The following OR2L13 variants were observed in gnomAD, a reference collection of about 807,000 sequenced individuals.
The protein encoded by OR2L13 is olfactory receptor family 2 subfamily L member 13.
In OR2L13, 14 loss-of-function variants were observed where a neutral mutation model predicts 15.3. That is an observed-to-expected ratio of 0.91 (90% CI 0.60 to 1.43). OR2L13 has a LOEUF of 1.43. Among genes scored for constraint, OR2L13 ranks in the 40% most tolerant of loss-of-function variants. The pLI is 0.00. For synonymous variants in OR2L13, 152 were observed against 142.9 expected, an observed-to-expected ratio of 1.06 and a Z score of -0.45; for missense variants, 367 against 387.9, an observed-to-expected ratio of 0.95 and a Z score of 0.45.
chr1:248,006,019 A>G, the OR2L13 span, among the ~76,000 whole-genome samples: 1 of 152,124 alleles, frequency 6.6e-6, no homozygotes, highest in Non-Finnish European at 1.5e-5. Context: ...GATACGTCAT[A>G]TTCCATGAAT....
At chr1:247,956,374 G>A in the OR2L13 span, among the ~76,000 whole-genome samples, 4 of 151,470 alleles carry the variant, frequency 2.6e-5, no homozygotes, top group African/African-American at 4.8e-5. Flanking sequence ...AAGTCAGGTA[G>A]CGTGATGCCT....
At chr1:247,990,931 C>T in the OR2L13 span, 3 of 1,473,952 alleles carry the variant, frequency 2.0e-6, no homozygotes, top group East Asian at 6.8e-5. Flanking sequence ...CCGGATTCTC[C>T]TTGCTGTCTA....
the OR2L13 span, among the ~76,000 whole-genome samples, chr1:248,057,035 G>T: frequency 8.3e-4 from 127 of 152,188 alleles, 1 homozygote; most frequent in African/African-American, 2.9e-3. Context: ...TTTTGTATTT[G>T]CTGAGGAGAG....
chr1:247,993,936 T>C, the OR2L13 span, among the ~76,000 whole-genome samples: 1 of 152,144 alleles, frequency 6.6e-6, no homozygotes, highest in Non-Finnish European at 1.5e-5. Context: ...AAAGGCTGTC[T>C]CTTCATTTCA....
the OR2L13 span, among the ~76,000 whole-genome samples, chr1:248,012,307 C>G: frequency 6.6e-6 from 1 of 152,134 alleles, no homozygotes; most frequent in Non-Finnish European, 1.5e-5. Flanking sequence ...TGGTGGTCCC[C>G]TGAAGATGAT....
At chr1:248,099,546 G>A (rs756235117) in exon 3 of OR2L13, 9 of 1,613,918 alleles carry the variant, frequency 5.6e-6, no homozygotes, top group East Asian at 2.2e-5. Context: ...TCCACACACC[G>A]ATGTACTTTC....
the OR2L13 span, among the ~76,000 whole-genome samples, chr1:247,985,248 C>T: frequency 6.6e-6 from 1 of 152,000 alleles, no homozygotes; most frequent in Non-Finnish European, 1.5e-5. Context: ...GCCATCCCTC[C>T]CTCCTTCCCC....
chr1:248,070,755 A>G, the OR2L13 span, among the ~76,000 whole-genome samples: 1 of 152,320 alleles, frequency 6.6e-6, no homozygotes, highest in African/African-American at 2.4e-5. Context: ...GAAAAGAGAG[A>G]AGAATCAAAT....
chr1:247,963,547 A>G, the OR2L13 span, among the ~76,000 whole-genome samples: 1 of 152,146 alleles, frequency 6.6e-6, no homozygotes, highest in African/African-American at 2.4e-5. Context: ...ATTTTGAAAA[A>G]CATACATGCT....
At chr1:247,946,480 T>C in the OR2L13 span, among the ~76,000 whole-genome samples, 1 of 152,312 alleles carries the variant, frequency 6.6e-6, no homozygotes, top group East Asian at 1.9e-4. Context: ...ACAAAATTTT[T>C]ACATCACTTT....
At chr1:247,982,827 A>G in the OR2L13 span, among the ~76,000 whole-genome samples, 3 of 152,064 alleles carry the variant, frequency 2.0e-5, no homozygotes, top group Admixed American at 1.3e-4. Flanking sequence ...TGTGATTTAA[A>G]AATTTTTATT....
chr1:248,009,592 G>A, the OR2L13 span, among the ~76,000 whole-genome samples: 1 of 152,080 alleles, frequency 6.6e-6, no homozygotes, highest in African/African-American at 2.4e-5. Context: ...TCTACCAAAG[G>A]TACAAAGCAG....
chr1:248,077,402 G>A, the OR2L13 span, among the ~76,000 whole-genome samples: 1 of 152,216 alleles, frequency 6.6e-6, no homozygotes, highest in Non-Finnish European at 1.5e-5. Context: ...GATTGGAACA[G>A]TTTCAGAAGG....
chr1:247,971,206 T>C, the OR2L13 span, among the ~76,000 whole-genome samples: 2 of 152,088 alleles, frequency 1.3e-5, no homozygotes, highest in African/African-American at 4.8e-5. Flanking sequence ...CTGGAGACTG[T>C]TTTTTTACTT....
the OR2L13 span, among the ~76,000 whole-genome samples, chr1:247,979,192 T>C: frequency 6.6e-6 from 1 of 152,138 alleles, no homozygotes; most frequent in East Asian, 1.9e-4. Flanking sequence ...CTTTAAGTTC[T>C]AGGGTACATG....
chr1:248,061,040 A>G, the OR2L13 span: 2 of 1,614,012 alleles, frequency 1.2e-6, no homozygotes, highest in Non-Finnish European at 1.7e-6. Flanking sequence ...ATGGCCTATG[A>G]TCGTTACATT....
chr1:248,059,780 C>G, the OR2L13 span, among the ~76,000 whole-genome samples: 1 of 152,162 alleles, frequency 6.6e-6, no homozygotes, highest in Non-Finnish European at 1.5e-5. Context: ...TGGGGAAGCT[C>G]ATGACTGCAC....
At chr1:248,023,051 T>A in the OR2L13 span, 3 of 614,626 alleles carry the variant, frequency 4.9e-6, no homozygotes, top group African/African-American at 3.7e-5. Context: ...TTCTAAGACA[T>A]CTATTTTGTT....
chr1:247,951,841 A>G, the OR2L13 span, among the ~76,000 whole-genome samples: 4 of 152,294 alleles, frequency 2.6e-5, no homozygotes, highest in Admixed American at 2.0e-4. Flanking sequence ...CTCTCTTCCA[A>G]GCTAGGGACA....
Sources: gnomAD v4.1 joint callset for allele counts (sites outside exome capture counted in the v4.1 genomes callset) on GRCh38, gnomAD v4.1.1 for gene constraint, MANE v1.5 for transcripts, NCBI Gene and HGNC (gene_info 2026-07-23, HGNC 2026-07-21) for gene names.